OR2L2: variants seen among roughly 807,000 people sequenced by gnomAD.
OR2L2 encodes the protein olfactory receptor family 2 subfamily L member 2.
For missense variants in OR2L2, 378 were observed against 375.2 expected, an observed-to-expected ratio of 1.01 and a Z score of -0.06; for synonymous variants, 156 against 135.4, an observed-to-expected ratio of 1.15 and a Z score of -1.06.
rs75687389 is a variant in OR2L2 at position 248,030,452 on chromosome 1, A to G, written c.-97+217A>G. ...ACTAATTCATAAATGTGTTTTCTGG[A>G]GGGGAAGGGAAATGATGGTCAATGG... On this transcript the variant is annotated intron_variant, in intron 1 of 2. Coordinates refer to ENST00000641771, the MANE Select transcript of OR2L2 (RefSeq NM_001385855.1). 4.3e-3 allele frequency among the ~76,000 whole-genome samples: 661 copies of G among 152,260 alleles called. 4 individuals are homozygous for G. Among genetic ancestry groups the G allele is most frequent in the African/African-American group, 0.015 (639 of 41,556 alleles).
In OR2L2 at chr1:248,038,939, C is replaced by T. The variant is rs1439595950; in HGVS notation, c.672C>T (p.Val224=). 1 of 1,614,026 alleles carries T rather than the reference C, an allele frequency of 6.2e-7. No individual in the cohort carries two copies. The highest frequency in any genetic ancestry group is 1.3e-5 in the African/African-American group (1 of 74,920). Residue 224 remains valine, a synonymous_variant, in exon 3 of 3, where the codon GTC becomes GTT. Transcript: ENST00000641771. ...ACSYGRVLLA[V]YRMHSAEGRK... ...CCTATGGCCGGGTTCTCCTTGCTGT[C>T]TACCGCATGCACTCTGCAGAAGGGA...
chr1:248,034,187 A>G (rs1662694292), intron 1 of OR2L2, among the ~76,000 whole-genome samples: 1 of 152,220 alleles, frequency 6.6e-6, no homozygotes, highest in African/African-American at 2.4e-5. Context: ...AACACGTACC[A>G]TGCTCATGGA....
At chr1:248,030,873 T>C (rs1271601391) in intron 1 of OR2L2, among the ~76,000 whole-genome samples, 2 of 152,176 alleles carry the variant, frequency 1.3e-5, no homozygotes, top group African/African-American at 4.8e-5. Flanking sequence ...TATCATTCCA[T>C]TCATGTAGGA....
chr1:248,038,280 A>G lies in OR2L2; in HGVS notation c.13A>G (p.Asn5Asp). The G allele has an allele frequency of 6.2e-7, 1 of 1,607,216 alleles. No homozygotes were observed. Among genetic ancestry groups the G allele is most frequent in the Non-Finnish European group, 8.5e-7 (1 of 1,175,628 alleles). The change falls in exon 3 of 3, where the codon AAT becomes GAT. Residue 5 changes from asparagine (N) to aspartate (D), a missense_variant. By Grantham distance (23) the Asn-to-Asp change is conservative. Transcript: ENST00000641771. ...GTAGGAATTCCCCATGGAAAATTAC[A>G]ATCAAACATCAACTGATTTCATCTT... is the stretch of plus-strand genomic sequence containing the variant. Reference protein sequence around the residue: MENYNQTSTDFILLG... With the variant: MENYDQTSTDFILLG...
At chr1:248,036,111 T>C (rs1662752829) in intron 2 of OR2L2, among the ~76,000 whole-genome samples, 3 of 152,196 alleles carry the variant, frequency 2.0e-5, no homozygotes, top group Admixed American at 2.0e-4. Flanking sequence ...GGCTAATATA[T>C]TCCAGTTCTG....
rs774346957 is a variant in OR2L2, at chr1:248,038,474, C to A, written c.207C>A (p.Asp69Glu). ...YFLLSQLSLI[D>E]LNYISTIVPK... ...TACTTAGTCAGCTCTCCCTCATTGA[C>A]CTAAATTACATCTCCACCATTGTTC... The change falls in exon 3 of 3, where the codon GAC (aspartate) becomes GAA (glutamate). Residue 69 changes from aspartate (D) to glutamate (E), a missense_variant. By Grantham distance (45) the Asp-to-Glu change is conservative. Coordinates refer to ENST00000641771, the MANE Select transcript of OR2L2 (RefSeq NM_001385855.1). The A allele has an allele frequency of 6.2e-7, 1 of 1,613,742 alleles. No individual in the cohort carries two copies. Among genetic ancestry groups the A allele is most frequent in the Non-Finnish European group, 8.5e-7 (1 of 1,179,774 alleles).
chr1:248,038,278 ACAAT>A lies in OR2L2; in HGVS notation c.15_18del (p.Asn5LysfsTer30). 7.5e-6 allele frequency: 12 copies of A among 1,605,884 alleles called. No individual in the cohort carries two copies. The highest frequency in any genetic ancestry group is 9.4e-6 in the Non-Finnish European group (11 of 1,174,688). On this transcript the variant is annotated frameshift_variant, in exon 3 of 3. Transcript: ENST00000641771. LOFTEE classifies it low-confidence loss of function (END_TRUNC). Reference sequence around the variant, plus strand: ...TTGTAGGAATTCCCCATGGAAAATTACAATCAAACATCAACTGATTTCATCTTAT... The same window carrying A: ...TTGTAGGAATTCCCCATGGAAAATTACAAACATCAACTGATTTCATCTTAT...
rs1662936030 is a variant in OR2L2 at position 248,041,030 on chromosome 1, T to C, written c.*1824T>C. The C allele has an allele frequency of 6.6e-6, 1 of 152,194 alleles. No individual in the cohort carries two copies. The highest frequency in any genetic ancestry group is 6.5e-5 in the Admixed American group (1 of 15,280). 9.4% of individuals were successfully genotyped at this position (152,194 alleles called of 1,614,324 possible). On this transcript the variant is annotated 3_prime_UTR_variant, in exon 3 of 3. Transcript: ENST00000641771. ...CTCCTCTAATTTAAATTAAGTAGAATTTTCTCATCATTAGGACTGTATGAG... is the reference window on the plus strand; with the variant it reads ...CTCCTCTAATTTAAATTAAGTAGAACTTTCTCATCATTAGGACTGTATGAG...
At position 248,042,086 on chromosome 1, in the gene OR2L2, C is replaced by G. The variant is rs999312902; in HGVS notation, c.*2880C>G. The G allele has an allele frequency of 6.6e-6, 1 of 151,976 alleles. No individual in the cohort carries two copies. The highest frequency in any genetic ancestry group is 2.4e-5 in the African/African-American group (1 of 41,360). The allele number at this position is 151,976 out of a possible 1,614,324, so 9.4% of individuals were successfully genotyped here. ...TTTATTGCGGCACTATTCACAATAG[C>G]AAAGACTTGGAACCAACCCAAATGT... is the stretch of plus-strand genomic sequence containing the variant. On this transcript the variant is annotated 3_prime_UTR_variant, in exon 3 of 3. Coordinates refer to ENST00000641771, the MANE Select transcript of OR2L2 (RefSeq NM_001385855.1).
In OR2L2 at chr1:248,038,573, C is replaced by A; in HGVS notation, c.306C>A (p.Phe102Leu). 1 of 1,614,172 alleles carries A rather than the reference C, an allele frequency of 6.2e-7. No homozygotes were observed. Among genetic ancestry groups the A allele is most frequent in the Non-Finnish European group, 8.5e-7 (1 of 1,180,022 alleles). The change falls in exon 3 of 3, where the codon TTC (phenylalanine) becomes TTA (leucine). Residue 102 changes from phenylalanine to leucine, a missense_variant. Coordinates refer to ENST00000641771, the MANE Select transcript of OR2L2 (RefSeq NM_001385855.1). ...CTGGATGTGGGATTCAGAGTTTCTT[C>A]TTCTTGACTTTAGCAGTTGCAGAAG... ...SFTGCGIQSF[F>L]FLTLAVAEGL...
In OR2L2 at chr1:248,038,457, C is replaced by T. The variant is rs1662829608; in HGVS notation, c.190C>T (p.Gln64Ter). 10 of 1,613,788 alleles carry T rather than the reference C, an allele frequency of 6.2e-6. No individual in the cohort carries two copies. Among genetic ancestry groups the T allele is most frequent in the Admixed American group, 3.3e-5 (2 of 60,010 alleles). ...LHTPMYFLLS[Q>*]LSLIDLNYIS... ...CACACCTATGTATTTCCTACTTAGTCAGCTCTCCCTCATTGACCTAAATTA... is the reference window on the plus strand; with the variant it reads ...CACACCTATGTATTTCCTACTTAGTTAGCTCTCCCTCATTGACCTAAATTA... Residue 64 changes from glutamine (Q) to a stop codon, truncating the protein, a stop_gained, in exon 3 of 3, where the codon CAG (glutamine) becomes TAG (stop). Coordinates refer to ENST00000641771, the MANE Select transcript of OR2L2 (RefSeq NM_001385855.1). LOFTEE classifies it low-confidence loss of function (END_TRUNC).
In OR2L2 at chr1:248,041,960, A is replaced by T. The variant is rs980125895; in HGVS notation, c.*2754A>T. On this transcript the variant is annotated 3_prime_UTR_variant, in exon 3 of 3. Coordinates refer to ENST00000641771, the MANE Select transcript of OR2L2 (RefSeq NM_001385855.1). Reference sequence around the variant, plus strand: ...AAGTCAGTGTGGCGATTCCTCAGGGATCTAGAACTAGAAATACCATTTGAC... The same window carrying T: ...AAGTCAGTGTGGCGATTCCTCAGGGTTCTAGAACTAGAAATACCATTTGAC... The T allele has an allele frequency of 6.6e-6, 1 of 152,158 alleles. No individual in the cohort carries two copies. Among genetic ancestry groups the T allele is most frequent in the Non-Finnish European group, 1.5e-5 (1 of 68,036 alleles). 9.4% of individuals were successfully genotyped at this position (152,158 alleles called of 1,614,324 possible).
chr1:248,034,378 G>T lies in OR2L2; in HGVS notation c.-96-1172G>T, dbSNP rs534032696. Among the ~76,000 whole-genome samples the T allele has an allele frequency of 9.2e-5, 14 of 152,226 alleles. No individual in the cohort carries two copies. In the East Asian group the frequency reaches 2.5e-3, roughly 27 times the overall value. On this transcript the variant is annotated intron_variant, in intron 1 of 2. Transcript: ENST00000641771. The stretch of plus-strand genomic sequence containing the variant: ...AAAAAAACAAATCTGGAGGCGTTTG[G>T]TAAGTTTTAAAATCAGAAAGTATCA...
chr1:248,038,834 A>G lies in OR2L2; in HGVS notation c.567A>G (p.Thr189=), dbSNP rs1192094241. ...CAGCTATGTTGACGCTAGCCTGCAC[A>G]GACACTTGGGTCTATGAGAGCACAG... ...DVPAMLTLAC[T]DTWVYESTVF... is the part of the protein sequence containing the mutation. Residue 189 remains threonine, a synonymous_variant, in exon 3 of 3, where the codon ACA becomes ACG. Coordinates refer to ENST00000641771, the MANE Select transcript of OR2L2 (RefSeq NM_001385855.1). 6.2e-7 allele frequency: 1 copy of G among 1,614,186 alleles called. No homozygotes were observed. Among genetic ancestry groups the G allele is most frequent in the Middle Eastern group, 1.6e-4 (1 of 6,062 alleles).
chr1:248,038,949 C>A lies in OR2L2; in HGVS notation c.682C>A (p.His228Asn), dbSNP rs777771095. 7.5e-5 allele frequency: 121 copies of A among 1,614,044 alleles called. No homozygotes were observed. Among genetic ancestry groups the A allele is most frequent in the Non-Finnish European group, 1.0e-4 (118 of 1,180,024 alleles). Residue 228 changes from histidine (H) to asparagine (N), a missense_variant, in exon 3 of 3, where the codon CAC becomes AAC. Transcript: ENST00000641771. ...GGTTCTCCTTGCTGTCTACCGCATG[C>A]ACTCTGCAGAAGGGAGGAAGAAGGC... The part of the protein sequence containing the change: ...GRVLLAVYRM[H>N]SAEGRKKAYS...
intron 1 of OR2L2, among the ~76,000 whole-genome samples, chr1:248,030,661 T>TA (rs1291728172): frequency 6.6e-6 from 1 of 152,212 alleles, no homozygotes; most frequent in Non-Finnish European, 1.5e-5. Context: ...ATGCTCATTA[T>TA]AATCTTAATG....
Position 248,038,657 on chromosome 1 carries a change from C to T in OR2L2, c.390C>T (p.His130=). 5 of 1,614,184 alleles carry T rather than the reference C, an allele frequency of 3.1e-6. No homozygotes were observed. The highest frequency in any genetic ancestry group is 4.2e-6 in the Non-Finnish European group (5 of 1,180,026). Residue 130 remains histidine, a synonymous_variant, in exon 3 of 3, where the codon CAC becomes CAT. Transcript: ENST00000641771. The stretch of plus-strand genomic sequence containing the variant: ...ATGTGGCCATTTGCTTTCCTCTCCA[C>T]TATCCCATCCGTATAAGCAAAAGAG... ...DRYVAICFPL[H]YPIRISKRVC...
rs1478865846 is a variant in OR2L2, at chr1:248,040,677, A to G, written c.*1471A>G. The stretch of plus-strand genomic sequence containing the variant: ...TGTAAGAGTAGAGTATATAAGACAT[A>G]TAAGATACAAAGTTGTGTTAATTGA... On this transcript the variant is annotated 3_prime_UTR_variant, in exon 3 of 3. Coordinates refer to ENST00000641771, the MANE Select transcript of OR2L2 (RefSeq NM_001385855.1). The G allele has an allele frequency of 6.6e-6, 1 of 152,206 alleles. No individual in the cohort carries two copies. Among genetic ancestry groups the G allele is most frequent in the East Asian group, 1.9e-4 (1 of 5,196 alleles). 9.4% of individuals were successfully genotyped at this position (152,206 alleles called of 1,614,324 possible).
intron 1 of OR2L2, among the ~76,000 whole-genome samples, chr1:248,035,246 C>T (rs1004259267): frequency 6.6e-6 from 1 of 151,822 alleles, no homozygotes; most frequent in African/African-American, 2.4e-5. Flanking sequence ...GTCAGGAGAT[C>T]GAGACCATCC....
Sources: gnomAD v4.1 joint callset for allele counts (sites outside exome capture counted in the v4.1 genomes callset) on GRCh38, gnomAD v4.1.1 for gene constraint, MANE v1.5 for transcripts, NCBI Gene and HGNC (gene_info 2026-07-23, HGNC 2026-07-21) for gene names.